REPS2: variants seen among roughly 807,000 people sequenced by gnomAD.
REPS2 encodes the protein ralBP1-associated Eps domain-containing protein 2.
Under a neutral mutation model 53.6 loss-of-function variants are expected in REPS2, and 23 were observed. That is an observed-to-expected ratio of 0.43 (90% CI 0.31 to 0.61). The LOEUF is 0.61. Among genes scored for constraint, REPS2 ranks in the 20% least tolerant of loss-of-function variants. The probability of loss-of-function intolerance (pLI) is 0.11; values close to 1 mark genes in which losing one functional copy is unlikely to be tolerated. For synonymous variants in REPS2, 238 were observed against 218.6 expected (o/e 1.09, Z -0.78); for missense variants, 446 against 534.9 (o/e 0.83, Z 1.64).
At chrX:17,182,132 CTCTA>C in the REPS2 span, among the ~76,000 whole-genome samples, 9,408 of 90,366 alleles carry the variant, frequency 0.1, 329 homozygotes, top group Admixed American at 0.14. Context: ...ACCTAGTGTG[CTCTA>C]TCTGTCTATC....
the REPS2 span, among the ~76,000 whole-genome samples, chrX:17,178,090 T>C: frequency 1.8e-5 from 2 of 112,115 alleles, no homozygotes; most frequent in African/African-American, 3.2e-5. Context: ...CCAAAGTAGA[T>C]GTAGCCACAG....
rs376094360 is a variant in REPS2 at position 16,971,551 on chromosome X, A to G, written c.273+24417A>G. On this transcript the variant is annotated intron_variant, in intron 1 of 17. Transcript: ENST00000357277. ...TGATGGAGTTTATTTATTGTTTTCT[A>G]TTGTCACTTGTGTTTTTGGTGTCAT... 2.7e-5 allele frequency among the ~76,000 whole-genome samples: 3 copies of G among 111,838 alleles called. No individual in the cohort carries two copies. The South Asian group carries it at 1.1e-3, about 41-fold the overall frequency.
At chrX:17,122,147 C>T (rs2063149885) in intron 14 of REPS2, among the ~76,000 whole-genome samples, 1 of 111,414 alleles carries the variant, frequency 9.0e-6, no homozygotes, top group Non-Finnish European at 1.9e-5. Flanking sequence ...TGCATATAAT[C>T]AGCACCCAAA....
At chrX:17,038,582 G>A (rs1471627280) in intron 5 of REPS2, among the ~76,000 whole-genome samples, 4 of 112,714 alleles carry the variant, frequency 3.5e-5, no homozygotes, top group South Asian at 3.6e-4. Context: ...GTCTGCATCC[G>A]TCTTCCGTGG....
At chrX:17,057,715 T>C (rs995976104) in intron 8 of REPS2, among the ~76,000 whole-genome samples, 1 of 112,675 alleles carries the variant, frequency 8.9e-6, no homozygotes, top group Non-Finnish European at 1.9e-5. Flanking sequence ...TCTTGTCTTG[T>C]CTTGTCTTTT....
chrX:16,968,820 G>A (rs1190807016), intron 1 of REPS2, among the ~76,000 whole-genome samples: 1 of 108,285 alleles, frequency 9.2e-6, no homozygotes, highest in South Asian at 4.1e-4. Context: ...GGCCGGGCGG[G>A]GGGCTGACCC....
chrX:16,954,324 C>T (rs2060563561), intron 1 of REPS2, among the ~76,000 whole-genome samples: 1 of 111,712 alleles, frequency 9.0e-6, no homozygotes, highest in Non-Finnish European at 1.9e-5. Flanking sequence ...TGCATTAAAC[C>T]CTGCTGCACT....
chrX:17,160,493 A>C, the REPS2 span, among the ~76,000 whole-genome samples: 1 of 112,773 alleles, frequency 8.9e-6, no homozygotes, highest in South Asian at 3.7e-4. Flanking sequence ...TCATTCCGTG[A>C]CATCCATGGG....
At chrX:16,985,993 G>A (rs2061086273) in intron 1 of REPS2, among the ~76,000 whole-genome samples, 1 of 111,704 alleles carries the variant, frequency 9.0e-6, no homozygotes, top group Middle Eastern at 4.6e-3. Flanking sequence ...CATGACTGGT[G>A]CTATTTTCCA....
intron 13 of REPS2, among the ~76,000 whole-genome samples, chrX:17,093,200 A>ATATATATATATATAT (rs61196590): frequency 9.8e-3 from 149 of 15,156 alleles, no homozygotes; most frequent in East Asian, 0.023. Context: ...ATATATATAT[A>ATATATATATATATAT]ATTTTTTTTT....
the REPS2 span, among the ~76,000 whole-genome samples, chrX:17,163,852 C>T: frequency 1.8e-5 from 2 of 111,556 alleles, no homozygotes; most frequent in Non-Finnish European, 3.8e-5. Flanking sequence ...AGTAAGTTGC[C>T]ACATCAAGAA....
chrX:16,999,073 A>G (rs994877222), intron 1 of REPS2, among the ~76,000 whole-genome samples: 1 of 112,378 alleles, frequency 8.9e-6, no homozygotes, highest in African/African-American at 3.2e-5. Context: ...ACAGTCACAG[A>G]TATGGCAAAT....
intron 2 of REPS2, among the ~76,000 whole-genome samples, chrX:17,015,981 C>T (rs1047408703): frequency 3.6e-5 from 4 of 111,652 alleles, no homozygotes; most frequent in African/African-American, 1.3e-4. Context: ...CCTGAGGAAT[C>T]GCCACACTGA....
intron 16 of REPS2, chrX:17,137,598 T>G (rs892750114): frequency 8.9e-6 from 1 of 112,033 alleles, no homozygotes; most frequent in Admixed American, 9.4e-5. Context: ...GTCTTTTCAC[T>G]TTCTATTTTT....
At chrX:17,164,328 A>C in the REPS2 span, among the ~76,000 whole-genome samples, 1 of 111,952 alleles carries the variant, frequency 8.9e-6, no homozygotes, top group African/African-American at 3.2e-5. Flanking sequence ...ATGATCCTAT[A>C]ATACATGGTC....
chrX:17,114,997 T>G (rs978209932), intron 14 of REPS2, among the ~76,000 whole-genome samples: 11 of 111,358 alleles, frequency 9.9e-5, no homozygotes, highest in African/African-American at 3.3e-4. Flanking sequence ...TTTTAAAAGT[T>G]TATTTTTACT....
rs1050814739 is a variant in REPS2, at chrX:17,052,544, T to G, written c.971+99T>G. On this transcript the variant is annotated intron_variant, in intron 7 of 17. Coordinates refer to ENST00000357277, the MANE Select transcript of REPS2 (RefSeq NM_004726.3). ...TTTTAAAGGCTTATGTTTTGAATGATGTTTTTAACAGACTACAGGAGTGAA... is the reference window on the plus strand; with the variant it reads ...TTTTAAAGGCTTATGTTTTGAATGAGGTTTTTAACAGACTACAGGAGTGAA... The G allele has an allele frequency of 9.9e-6, 6 of 606,717 alleles. No homozygotes were observed. In the African/African-American group the frequency reaches 1.4e-4, roughly 14 times the overall value. The allele number at this position is 606,717 out of a possible 1,213,427, so 50.0% of individuals were successfully genotyped here.
chrX:17,011,009 G>GT (rs1283038640), intron 2 of REPS2, among the ~76,000 whole-genome samples: 1 of 111,588 alleles, frequency 9.0e-6, no homozygotes, highest in African/African-American at 3.3e-5. Flanking sequence ...ATGGAGACAT[G>GT]TTTAAGAATA....
At chrX:17,028,976 G>GT (rs1485033730) in intron 4 of REPS2, among the ~76,000 whole-genome samples, 1 of 111,677 alleles carries the variant, frequency 9.0e-6, no homozygotes, top group Non-Finnish European at 1.9e-5. Context: ...CAGCAAAATT[G>GT]TTTTTTAAAA....
Sources: allele counts gnomAD v4.1 joint callset (sites outside exome capture counted in the v4.1 genomes callset), GRCh38; gene constraint gnomAD v4.1.1; transcripts MANE v1.5; gene names NCBI Gene and HGNC (gene_info 2026-07-23, HGNC 2026-07-21).